Variants in AGBL1 observed in about 807,000 individuals in gnomAD.
AGBL1 encodes the protein cytosolic carboxypeptidase 4.
In AGBL1, 130 loss-of-function variants were observed where a neutral mutation model predicts 118.9. The observed-to-expected ratio is 1.09, with a 90% confidence interval of 0.95 to 1.26. The LOEUF (loss-of-function observed/expected upper bound fraction) is 1.26. Ranked by LOEUF, AGBL1 falls within the 50% of genes most tolerant of loss-of-function variation. The pLI is 0.00. For missense variants in AGBL1, 1,584 were observed against 1,298.1 expected (o/e 1.22, Z -3.38); for synonymous variants, 555 against 478.9 (o/e 1.16, Z -2.08).
Position 86,110,624 on chromosome 15 carries a change from T to G in AGBL1, c.51+30601T>G, listed in dbSNP as rs886268368. Among the ~76,000 whole-genome samples the G allele has an allele frequency of 2.6e-5, 4 of 152,134 alleles. 1 individual carries two copies. Among genetic ancestry groups the G allele is most frequent in the Non-Finnish European group, 5.9e-5 (4 of 68,028 alleles). On this transcript the variant is annotated intron_variant, in intron 1 of 22. Transcript: ENST00000614907. ...ATACCCATGCTGTCCAAGGGCCAACTCTAGTAGAATTGGGCCACCAGTTTG... is the reference window on the plus strand; with the variant it reads ...ATACCCATGCTGTCCAAGGGCCAACGCTAGTAGAATTGGGCCACCAGTTTG...
At chr15:86,312,521 C>A (rs1256774767) in intron 17 of AGBL1, 1 of 152,246 alleles carries the variant, frequency 6.6e-6, no homozygotes, top group Non-Finnish European at 1.5e-5. Context: ...CCTTAAGCAA[C>A]TGTGCGCATT....
chr15:86,906,230 T>A (rs59333143), intron 22 of AGBL1, among the ~76,000 whole-genome samples: 6,149 of 152,260 alleles, frequency 0.04, 433 homozygotes, highest in African/African-American at 0.14. Context: ...GATTAGAAAG[T>A]CTTCAGGAAA....
chr15:86,397,143 C>T (rs1360240042), intron 17 of AGBL1, among the ~76,000 whole-genome samples: 1 of 151,646 alleles, frequency 6.6e-6, no homozygotes, highest in Non-Finnish European at 1.5e-5. Flanking sequence ...TTCAAAAAGG[C>T]TACGGTTTTT....
chr15:86,829,616 T>A (rs1182352932), intron 22 of AGBL1, among the ~76,000 whole-genome samples: 1 of 152,050 alleles, frequency 6.6e-6, no homozygotes, highest in Non-Finnish European at 1.5e-5. Context: ...TAATCTGAGA[T>A]AAGGACACAC....
At chr15:86,186,036 G>C (rs1420435270) in intron 5 of AGBL1, among the ~76,000 whole-genome samples, 2 of 152,140 alleles carry the variant, frequency 1.3e-5, no homozygotes, top group Non-Finnish European at 2.9e-5. Flanking sequence ...TTCATCACTA[G>C]ATCTGGTTTA....
chr15:86,342,953 G>A (rs866176045), intron 17 of AGBL1, among the ~76,000 whole-genome samples: 2 of 152,114 alleles, frequency 1.3e-5, no homozygotes, highest in African/African-American at 2.4e-5. Flanking sequence ...CATCAAACTG[G>A]CAATGGGTTG....
At chr15:86,842,485 G>C (rs2079259342) in intron 22 of AGBL1, among the ~76,000 whole-genome samples, 1 of 152,192 alleles carries the variant, frequency 6.6e-6, no homozygotes, top group African/African-American at 2.4e-5. Flanking sequence ...GTGTAATTAA[G>C]AGATTTTCTT....
chr15:86,098,544 TC>T (rs1358876454), intron 1 of AGBL1, among the ~76,000 whole-genome samples: 4 of 152,170 alleles, frequency 2.6e-5, no homozygotes, highest in Admixed American at 2.6e-4. Context: ...TTTTCAGCTT[TC>T]CCACCACCAT....
intron 22 of AGBL1, among the ~76,000 whole-genome samples, chr15:86,734,089 G>A (rs1025182644): frequency 6.6e-6 from 1 of 152,128 alleles, no homozygotes; most frequent in Admixed American, 6.5e-5. Flanking sequence ...CCTGTTCTAG[G>A]CAGTTTGCAT....
At chr15:86,710,588 A>G (rs892947566) in intron 22 of AGBL1, among the ~76,000 whole-genome samples, 9 of 152,190 alleles carry the variant, frequency 5.9e-5, no homozygotes, top group African/African-American at 1.7e-4. Flanking sequence ...TTAAATTGCT[A>G]TTGGACCAGC....
Position 86,433,266 on chromosome 15 carries a change from C to CTTTTTTTTTTTTTTTTTTTTTT in AGBL1, c.2555+35726_2555+35747dup, listed in dbSNP as rs59417397. Among the ~76,000 whole-genome samples the CTTTTTTTTTTTTTTTTTTTTTT allele has an allele frequency of 2.0e-4, 15 of 74,880 alleles. 3 individuals are homozygous for CTTTTTTTTTTTTTTTTTTTTTT. Among genetic ancestry groups the CTTTTTTTTTTTTTTTTTTTTTT allele is most frequent in the African/African-American group, 6.9e-4 (13 of 18,974 alleles). The allele number at this position is 74,880 out of a possible 152,430, so 49.1% of individuals were successfully genotyped here. ...TCTCCTCCTCCTCCTCCTCCTTCTT[C>CTTTTTTTTTTTTTTTTTTTTTT]TTTTTTTTTTTTTTTTTTTTTTTTT... is the stretch of plus-strand genomic sequence containing the variant. On this transcript the variant is annotated intron_variant, in intron 18 of 22. Coordinates refer to ENST00000614907, the MANE Select transcript of AGBL1 (RefSeq NM_001386094.1).
chr15:86,739,715 A>T (rs75099392), intron 22 of AGBL1, among the ~76,000 whole-genome samples: 3,006 of 152,246 alleles, frequency 0.02, 100 homozygotes, highest in African/African-American at 0.064. Flanking sequence ...AGCAACTATC[A>T]TTATTACTTT....
intron 5 of AGBL1, among the ~76,000 whole-genome samples, chr15:86,201,678 G>C (rs1309980846): frequency 6.6e-6 from 1 of 152,156 alleles, no homozygotes; most frequent in Non-Finnish European, 1.5e-5. Flanking sequence ...AGGGAGGAGA[G>C]GGGAGCACAA....
intron 24 of AGBL1, among the ~76,000 whole-genome samples, chr15:87,005,534 G>C (rs62031590): frequency 0.11 from 16,610 of 152,232 alleles, 1,055 homozygotes; most frequent in East Asian, 0.15. Flanking sequence ...ATGGTTTTCA[G>C]CTCCATCAGG....
intron 22 of AGBL1, among the ~76,000 whole-genome samples, chr15:86,737,314 G>T (rs1409347055): frequency 6.6e-6 from 1 of 152,154 alleles, no homozygotes; most frequent in African/African-American, 2.4e-5. Context: ...AGAAACAGCT[G>T]ATGCAATTTC....
At chr15:86,876,960 G>A (rs778729255) in intron 22 of AGBL1, among the ~76,000 whole-genome samples, 5 of 151,936 alleles carry the variant, frequency 3.3e-5, no homozygotes, top group Admixed American at 6.6e-5. Context: ...AATAACAATA[G>A]CAATACAATC....
chr15:86,779,160 T>C (rs2078297947), intron 22 of AGBL1, among the ~76,000 whole-genome samples: 2 of 152,152 alleles, frequency 1.3e-5, no homozygotes, highest in South Asian at 4.1e-4. Flanking sequence ...TCACACATCA[T>C]TGACTAGTTT....
chr15:86,957,066 G>A (rs1000982102), intron 23 of AGBL1, among the ~76,000 whole-genome samples: 1 of 152,140 alleles, frequency 6.6e-6, no homozygotes, highest in Non-Finnish European at 1.5e-5. Context: ...ATGGTCTGAT[G>A]ATAAGGGCAA....
At chr15:86,392,612 A>G (rs1443511390) in intron 17 of AGBL1, among the ~76,000 whole-genome samples, 1 of 152,218 alleles carries the variant, frequency 6.6e-6, no homozygotes, top group Non-Finnish European at 1.5e-5. Context: ...ATAGTTGGGT[A>G]CACATGTTTA....
Sources: gnomAD v4.1 joint callset for allele counts (sites outside exome capture counted in the v4.1 genomes callset) on GRCh38, gnomAD v4.1.1 for gene constraint, MANE v1.5 for transcripts, NCBI Gene and HGNC (gene_info 2026-07-23, HGNC 2026-07-21) for gene names.